Variants in RBPJ observed in about 807,000 individuals in gnomAD.
The protein encoded by RBPJ is recombining binding protein suppressor of hairless.
A neutral mutation model predicts 67.8 loss-of-function variants in RBPJ; 9 were observed. That is an observed-to-expected ratio of 0.13 (90% CI 0.08 to 0.23). RBPJ has a LOEUF of 0.23. RBPJ is among the 10% of genes least tolerant of loss of function. The probability of loss-of-function intolerance (pLI) is 1.00; values close to 1 mark genes in which losing one functional copy is unlikely to be tolerated. For synonymous variants in RBPJ, 198 were observed against 203.3 expected, an observed-to-expected ratio of 0.97 and a Z score of 0.22; for missense variants, 305 against 595.6, an observed-to-expected ratio of 0.51 and a Z score of 5.08.
chr4:26,231,823 A>C (rs1439935028), intron 1 of RBPJ, among the ~76,000 whole-genome samples: 1 of 151,950 alleles, frequency 6.6e-6, no homozygotes, highest in Non-Finnish European at 1.5e-5. Flanking sequence ...TGCTGGGATT[A>C]TAAGCGTGAG....
At chr4:26,177,513 G>T (rs1256584510) in intron 1 of RBPJ, among the ~76,000 whole-genome samples, 1 of 152,050 alleles carries the variant, frequency 6.6e-6, no homozygotes, top group Admixed American at 6.6e-5. Context: ...AGAGGTGGAG[G>T]TTGCAGTGAG....
At chr4:26,360,765 A>C (rs374006967) in intron 1 of RBPJ, among the ~76,000 whole-genome samples, 100 of 143,950 alleles carry the variant, frequency 6.9e-4, no homozygotes, top group Non-Finnish European at 8.7e-4. Context: ...GGTTTTTTTT[A>C]TTTTTTTTTT....
intron 1 of RBPJ, among the ~76,000 whole-genome samples, chr4:26,292,035 CA>C (rs987856893): frequency 1.3e-5 from 2 of 150,776 alleles, no homozygotes; most frequent in African/African-American, 4.9e-5. Context: ...TTAGTTAACA[CA>C]TCCCTCACGT....
Position 26,415,468 on chromosome 4 carries a change from T to C in RBPJ, c.156-7T>C. 6.4e-7 allele frequency: 1 copy of C among 1,572,870 alleles called. No homozygotes were observed. Among genetic ancestry groups the C allele is most frequent in the South Asian group, 1.2e-5 (1 of 84,304 alleles). On this transcript the variant is annotated splice_polypyrimidine_tract_variant and splice_region_variant and intron_variant, in intron 3 of 10. Coordinates refer to ENST00000355476, the MANE Select transcript of RBPJ (RefSeq NM_015874.6). ...CTTGTTTTTTTTTTTCCCCTATTAT[T>C]CTTCAGGTTTTTTTGCCCACCTCCT...
intron 1 of RBPJ, among the ~76,000 whole-genome samples, chr4:26,268,485 A>G (rs2109259281): frequency 6.6e-6 from 1 of 152,226 alleles, no homozygotes; most frequent in Admixed American, 6.5e-5. Flanking sequence ...CCCTTAATGA[A>G]CCTGCTTTCT....
the RBPJ span, among the ~76,000 whole-genome samples, chr4:26,120,299 T>A: frequency 6.6e-6 from 1 of 152,170 alleles, no homozygotes; most frequent in Non-Finnish European, 1.5e-5. Flanking sequence ...CTGGGCAGGC[T>A]TTTCAACTGA....
chr4:26,336,655 C>CAA (rs11394703), intron 1 of RBPJ, among the ~76,000 whole-genome samples: 139 of 137,988 alleles, frequency 1.0e-3, no homozygotes, highest in Non-Finnish European at 1.3e-3. Flanking sequence ...GTTTCTTTAC[C>CAA]AAAAAAAAAA....
the RBPJ span, among the ~76,000 whole-genome samples, chr4:26,116,665 A>G: frequency 6.6e-6 from 1 of 152,224 alleles, no homozygotes; most frequent in Non-Finnish European, 1.5e-5. Flanking sequence ...AACAGATTGC[A>G]AAGGTCTGAT....
intron 1 of RBPJ, among the ~76,000 whole-genome samples, chr4:26,308,058 T>C (rs1043907203): frequency 4.4e-4 from 67 of 152,170 alleles, no homozygotes; most frequent in Non-Finnish European, 1.3e-4. Context: ...AGGCGGATCA[T>C]GAGGTCAGGA....
At chr4:26,349,088 G>GCA (rs1726509984) in intron 1 of RBPJ, among the ~76,000 whole-genome samples, 1 of 130,668 alleles carries the variant, frequency 7.7e-6, no homozygotes, top group Non-Finnish European at 1.7e-5. Flanking sequence ...GTGTGTGTGT[G>GCA]CGCGCGCGCA....
At position 26,215,298 on chromosome 4, in the gene RBPJ, A is replaced by G. The variant is rs1335825325; in HGVS notation, c.-167+51684A>G. ...AAAAAGAGAGAGAAAGAAAGAGAAA[A>G]AGAGAGAGAAAAGAGAAAGAAAGAA... On this transcript the variant is annotated intron_variant, in intron 1 of 4. Coordinates refer to the RBPJ transcript ENST00000512351. Among the ~76,000 whole-genome samples the G allele has an allele frequency of 5.7e-5, 7 of 123,230 alleles. 1 individual carries two copies. Among genetic ancestry groups the G allele is most frequent in the South Asian group, 2.5e-4 (1 of 4,010 alleles). 80.8% of individuals were successfully genotyped at this position (123,230 alleles called of 152,430 possible). A position where few individuals can be genotyped will look rare whatever the true frequency, so the allele number is the denominator to read the frequency against.
At chr4:26,241,105 G>A (rs1376391074) in intron 1 of RBPJ, among the ~76,000 whole-genome samples, 1 of 151,910 alleles carries the variant, frequency 6.6e-6, no homozygotes, top group Admixed American at 6.6e-5. Flanking sequence ...GCTGAGGTGG[G>A]AGGATCACTT....
At chr4:26,278,218 C>T (rs538556141) in intron 1 of RBPJ, among the ~76,000 whole-genome samples, 1 of 152,218 alleles carries the variant, frequency 6.6e-6, no homozygotes, top group South Asian at 2.1e-4. Context: ...TAGGATGCTA[C>T]ATAACATTTT....
intron 1 of RBPJ, among the ~76,000 whole-genome samples, chr4:26,255,403 CAAAAAAAAAAAAAAA>C (rs766336628): frequency 2.9e-5 from 1 of 34,546 alleles, no homozygotes; most frequent in African/African-American, 1.5e-4. Flanking sequence ...GACTCCGTCT[CAAAAAAAAAAAAAAA>C]AAAAAAAAGT....
At chr4:26,280,395 C>CAAAAAAAAAAAAA (rs11295196) in intron 1 of RBPJ, among the ~76,000 whole-genome samples, 1 of 86,818 alleles carries the variant, frequency 1.2e-5, no homozygotes, top group Non-Finnish European at 2.3e-5. Flanking sequence ...CACTTCATCT[C>CAAAAAAAAAAAAA]AAAAAAAAAA....
At chr4:26,247,730 G>T (rs952681193) in intron 1 of RBPJ, among the ~76,000 whole-genome samples, 3 of 152,048 alleles carry the variant, frequency 2.0e-5, no homozygotes, top group African/African-American at 7.2e-5. Flanking sequence ...TATTTTTAAA[G>T]AATTTACTTT....
chr4:26,115,390 T>G, the RBPJ span, among the ~76,000 whole-genome samples: 1 of 144,522 alleles, frequency 6.9e-6, no homozygotes, highest in African/African-American at 2.5e-5. Flanking sequence ...CCAGTATAAG[T>G]TTTTTTTTTT....
At chr4:26,176,450 T>C (rs2109123698) in intron 1 of RBPJ, among the ~76,000 whole-genome samples, 1 of 152,338 alleles carries the variant, frequency 6.6e-6, no homozygotes, top group South Asian at 2.1e-4. Flanking sequence ...AGGCATGCTC[T>C]AAGGAATTTG....
intron 1 of RBPJ, among the ~76,000 whole-genome samples, chr4:26,363,733 C>T (rs1728321487): frequency 6.6e-6 from 1 of 152,186 alleles, no homozygotes; most frequent in Non-Finnish European, 1.5e-5. Context: ...GCCACCACAC[C>T]TGGCCAAAGA....
Sources: gnomAD v4.1 joint callset for allele counts (sites outside exome capture counted in the v4.1 genomes callset) on GRCh38, gnomAD v4.1.1 for gene constraint, MANE v1.5 for transcripts, NCBI Gene and HGNC (gene_info 2026-07-23, HGNC 2026-07-21) for gene names.